PRR16: variants seen among roughly 807,000 people sequenced by gnomAD.
PRR16 encodes the protein proline rich 16, also known as protein Largen.
In PRR16, 6 loss-of-function variants were observed where a neutral mutation model predicts 18.2. The ratio of observed to expected loss-of-function variants is 0.33; its 90% CI spans 0.18 to 0.65. PRR16 has a LOEUF of 0.65. Ranked by LOEUF, PRR16 falls within the 30% of genes least tolerant of loss-of-function variation. PRR16 has a pLI of 0.74. For missense variants in PRR16, 412 were observed against 376.6 expected, an observed-to-expected ratio of 1.09 and a Z score of -0.78; for synonymous variants, 151 against 147.8, an observed-to-expected ratio of 1.02 and a Z score of -0.16.
chr5:120,518,281 C>T (rs1751062326), intron 1 of PRR16, among the ~76,000 whole-genome samples: 1 of 151,940 alleles, frequency 6.6e-6, no homozygotes, highest in African/African-American at 2.4e-5. Context: ...CTTCCTGGAG[C>T]AATAATTTCC....
chr5:120,633,923 A>G (rs1040307248), intron 1 of PRR16, among the ~76,000 whole-genome samples: 3 of 152,146 alleles, frequency 2.0e-5, no homozygotes, highest in African/African-American at 7.2e-5. Flanking sequence ...CTTAAATTAT[A>G]CCCTACAACA....
At chr5:120,650,576 T>G (rs1481052100) in intron 1 of PRR16, among the ~76,000 whole-genome samples, 3 of 150,252 alleles carry the variant, frequency 2.0e-5, no homozygotes, top group Admixed American at 6.7e-5. Flanking sequence ...AGAACATGTG[T>G]TGTTTGGTTT....
At chr5:120,681,223 T>A (rs1211020357) in intron 1 of PRR16, among the ~76,000 whole-genome samples, 1 of 152,152 alleles carries the variant, frequency 6.6e-6, no homozygotes, top group Non-Finnish European at 1.5e-5. Flanking sequence ...TAAGATTTCT[T>A]ATTTTCTGCC....
At chr5:120,734,143 C>A in the PRR16 span, among the ~76,000 whole-genome samples, 5 of 152,174 alleles carry the variant, frequency 3.3e-5, no homozygotes, top group African/African-American at 1.2e-4. Context: ...GTGTTCATTC[C>A]TCTCTTGCTT....
chr5:120,495,099 T>G (rs1271003474), intron 1 of PRR16, among the ~76,000 whole-genome samples: 1 of 152,154 alleles, frequency 6.6e-6, no homozygotes, highest in South Asian at 2.1e-4. Context: ...AATAAAACTT[T>G]AGGCTAATTG....
At chr5:120,654,340 C>G (rs1238489185) in intron 1 of PRR16, among the ~76,000 whole-genome samples, 1 of 151,974 alleles carries the variant, frequency 6.6e-6, no homozygotes, top group Non-Finnish European at 1.5e-5. Context: ...TTTTTTGTTT[C>G]TACCCCCATG....
At chr5:120,525,536 A>C (rs1224591107) in intron 1 of PRR16, among the ~76,000 whole-genome samples, 2 of 151,960 alleles carry the variant, frequency 1.3e-5, no homozygotes, top group Non-Finnish European at 2.9e-5. Flanking sequence ...TCAGTTCCAC[A>C]GACTACTATG....
chr5:120,593,534 C>T (rs917441283), intron 1 of PRR16, among the ~76,000 whole-genome samples: 5 of 151,786 alleles, frequency 3.3e-5, no homozygotes, highest in African/African-American at 9.7e-5. Context: ...AAAAAAAGCC[C>T]AGAACCAGTT....
At chr5:120,571,550 G>C (rs191808317) in intron 1 of PRR16, among the ~76,000 whole-genome samples, 1 of 152,090 alleles carries the variant, frequency 6.6e-6, no homozygotes, top group Non-Finnish European at 1.5e-5. Context: ...TGATCAAAAG[G>C]GTGGTATATT....
chr5:120,497,373 T>A (rs867782714), intron 1 of PRR16, among the ~76,000 whole-genome samples: 1 of 151,058 alleles, frequency 6.6e-6, no homozygotes, highest in South Asian at 2.1e-4. Context: ...TTCCCCTGTT[T>A]TGATGAACTG....
chr5:120,712,201 C>A, the PRR16 span, among the ~76,000 whole-genome samples: 1 of 152,112 alleles, frequency 6.6e-6, no homozygotes, highest in African/African-American at 2.4e-5. Context: ...TCTATAGTTA[C>A]CTCCTTTGTG....
At chr5:120,654,946 G>A (rs1755915937) in intron 1 of PRR16, among the ~76,000 whole-genome samples, 1 of 151,664 alleles carries the variant, frequency 6.6e-6, no homozygotes, top group Non-Finnish European at 1.5e-5. Context: ...AAGGGAGAAC[G>A]ATCAAAAACA....
chr5:120,661,246 A>G (rs1414553203), intron 1 of PRR16, among the ~76,000 whole-genome samples: 5 of 152,052 alleles, frequency 3.3e-5, no homozygotes, highest in Non-Finnish European at 7.4e-5. Context: ...TTCTTGGGTC[A>G]CACTTTCTTT....
intron 1 of PRR16, among the ~76,000 whole-genome samples, chr5:120,539,576 A>G (rs148635521): frequency 3.3e-5 from 5 of 152,252 alleles, no homozygotes; most frequent in African/African-American, 1.2e-4. Context: ...ACTGATTACC[A>G]GGTGACAAAA....
chr5:120,752,082 T>C, the PRR16 span, among the ~76,000 whole-genome samples: 1 of 152,106 alleles, frequency 6.6e-6, no homozygotes, highest in African/African-American at 2.4e-5. Context: ...TTATATTACA[T>C]TGTCCTGGTT....
Position 120,603,130 on chromosome 5 carries a change from T to C in PRR16, c.160-82824T>C, listed in dbSNP as rs559903818. 2.6e-5 allele frequency among the ~76,000 whole-genome samples: 4 copies of C among 152,084 alleles called. No individual in the cohort carries two copies. The South Asian group carries it at 8.3e-4, about 32-fold the overall frequency. On this transcript the variant is annotated intron_variant, in intron 1 of 1. Coordinates refer to ENST00000407149, the MANE Select transcript of PRR16 (RefSeq NM_001300783.2). ...CTTTGATTTTTTGGAATAATTTCAGTATAGTTGGAACCAACTCTTCCTTGC... is the reference window on the plus strand; with the variant it reads ...CTTTGATTTTTTGGAATAATTTCAGCATAGTTGGAACCAACTCTTCCTTGC...
intron 1 of PRR16, among the ~76,000 whole-genome samples, chr5:120,575,053 A>T (rs1184070929): frequency 6.7e-6 from 1 of 150,320 alleles, no homozygotes; most frequent in Non-Finnish European, 1.5e-5. Context: ...ATAGTGTTGT[A>T]GCCTTTTAAT....
At position 120,687,172 on chromosome 5, in the gene PRR16, A is replaced by C. The variant is rs1291396154; in HGVS notation, c.*463A>C. ...GTTTGTCACTAGTTTTTCATTATTA[A>C]ATGCTGAGGCCAATACCAAGAAGTT... On this transcript the variant is annotated 3_prime_UTR_variant, in exon 2 of 2. Transcript: ENST00000407149. The C allele has an allele frequency of 6.5e-6, 1 of 152,714 alleles. No homozygotes were observed. Among genetic ancestry groups the C allele is most frequent in the Non-Finnish European group, 1.5e-5 (1 of 68,172 alleles). 9.5% of individuals were successfully genotyped at this position (152,714 alleles called of 1,614,324 possible).
chr5:120,719,523 A>G, the PRR16 span, among the ~76,000 whole-genome samples: 1 of 152,042 alleles, frequency 6.6e-6, no homozygotes, highest in African/African-American at 2.4e-5. Context: ...GAGAGATATG[A>G]GATTCTGGAC....
Sources: gnomAD v4.1 joint callset for allele counts (sites outside exome capture counted in the v4.1 genomes callset) on GRCh38, gnomAD v4.1.1 for gene constraint, MANE v1.5 for transcripts, NCBI Gene and HGNC (gene_info 2026-07-23, HGNC 2026-07-21) for gene names.